Variants in SKAP1 observed in about 807,000 individuals in gnomAD.
SKAP1 encodes src kinase-associated phosphoprotein 1.
Under a neutral mutation model 58.5 loss-of-function variants are expected in SKAP1, and 44 were observed. That is an observed-to-expected ratio of 0.75 (90% CI 0.59 to 0.97). SKAP1 has a LOEUF of 0.97. Ranked by LOEUF, SKAP1 falls within the 50% of genes least tolerant of loss-of-function variation. The pLI, the probability that SKAP1 is intolerant of heterozygous loss-of-function variation, is 0.00. For synonymous variants in SKAP1, 127 were observed against 149.7 expected (o/e 0.85, Z 1.11); for missense variants, 390 against 435.2 (o/e 0.90, Z 0.92).
At chr17:48,173,002 C>A (rs778711682) in intron 9 of SKAP1, among the ~76,000 whole-genome samples, 1 of 151,924 alleles carries the variant, frequency 6.6e-6, no homozygotes, top group East Asian at 1.9e-4. Context: ...AGAGCAAGAC[C>A]CTGTCTCTAT....
At chr17:48,424,663 G>A (rs1184583951) in intron 1 of SKAP1, among the ~76,000 whole-genome samples, 1 of 151,710 alleles carries the variant, frequency 6.6e-6, no homozygotes, top group Non-Finnish European at 1.5e-5. Flanking sequence ...GGCCAGGCAC[G>A]GTGGCTCATG....
chr17:48,405,816 C>T (rs1274922558), intron 1 of SKAP1, among the ~76,000 whole-genome samples: 2 of 151,726 alleles, frequency 1.3e-5, no homozygotes, highest in African/African-American at 4.8e-5. Flanking sequence ...GCATTTTACA[C>T]TTATATCTCA....
At chr17:48,398,181 C>A (rs542838443) in intron 1 of SKAP1, among the ~76,000 whole-genome samples, 1 of 152,182 alleles carries the variant, frequency 6.6e-6, no homozygotes, top group South Asian at 2.1e-4. Flanking sequence ...AGTGAAGCTT[C>A]ATCTGTATTT....
At chr17:48,247,342 G>A (rs1422045320) in intron 4 of SKAP1, among the ~76,000 whole-genome samples, 1 of 152,154 alleles carries the variant, frequency 6.6e-6, no homozygotes, top group Non-Finnish European at 1.5e-5. Context: ...TAGAAAAAGG[G>A]ATTCAGGGAG....
intron 1 of SKAP1, 117 bp downstream of exon 1, chr17:48,429,958 T>G: frequency 1.1e-6 from 1 of 875,308 alleles, no homozygotes; most frequent in African/African-American, 1.7e-5. Context: ...CTAGAAGCCT[T>G]AAGGTTCTAG....
At chr17:48,437,497 C>T in the SKAP1 span, among the ~76,000 whole-genome samples, 1 of 152,158 alleles carries the variant, frequency 6.6e-6, no homozygotes, top group Non-Finnish European at 1.5e-5. Context: ...AATCCCAACA[C>T]TTTGGGAGGC....
At chr17:48,279,309 C>T (rs550759074) in intron 4 of SKAP1, among the ~76,000 whole-genome samples, 14 of 152,230 alleles carry the variant, frequency 9.2e-5, no homozygotes, top group Non-Finnish European at 1.6e-4. Flanking sequence ...TAAAATTCAC[C>T]GGTTCAGCTG....
chr17:48,284,711 G>C (rs564980076), intron 4 of SKAP1, among the ~76,000 whole-genome samples: 1 of 152,254 alleles, frequency 6.6e-6, no homozygotes, highest in South Asian at 2.1e-4. Flanking sequence ...ATGTCAACTA[G>C]CATATATTTT....
At chr17:48,421,863 T>C (rs2067798347) in intron 1 of SKAP1, among the ~76,000 whole-genome samples, 1 of 152,108 alleles carries the variant, frequency 6.6e-6, no homozygotes, top group Non-Finnish European at 1.5e-5. Flanking sequence ...CCATAAAGTT[T>C]CTCATCAAAA....
chr17:48,427,656 C>T lies in SKAP1; in HGVS notation c.46+2419G>A, dbSNP rs112984686. On this transcript the variant is annotated intron_variant, in intron 1 of 12. Coordinates refer to ENST00000336915, the MANE Select transcript of SKAP1 (RefSeq NM_003726.4). ...AGCACACACATTATGTCAAAAAATG[C>T]CCCTGTCATTTATGCTTGTGTAGTT... Among the ~76,000 whole-genome samples, 588 of 150,594 alleles carry T rather than the reference C, an allele frequency of 3.9e-3. 13 individuals are homozygous for T. Among genetic ancestry groups the T allele is most frequent in the African/African-American group, 0.014 (564 of 40,816 alleles).
intron 4 of SKAP1, among the ~76,000 whole-genome samples, chr17:48,237,690 T>C (rs1432828964): frequency 6.6e-6 from 1 of 152,122 alleles, no homozygotes; most frequent in Non-Finnish European, 1.5e-5. Context: ...GATGAGAACT[T>C]TGAACTAAGG....
chr17:48,373,318 G>A (rs1456217071), intron 2 of SKAP1, among the ~76,000 whole-genome samples: 2 of 152,156 alleles, frequency 1.3e-5, no homozygotes, highest in Admixed American at 6.5e-5. Context: ...TCACTATCAT[G>A]AGAGCAGCAA....
At chr17:48,429,939 T>A (rs2067896908) in intron 1 of SKAP1, 136 bp downstream of exon 1, 17 of 663,412 alleles carry the variant, frequency 2.6e-5, no homozygotes, top group Non-Finnish European at 3.7e-5. Flanking sequence ...CTCTAGGGAG[T>A]TGAGGGCTCT....
intron 4 of SKAP1, among the ~76,000 whole-genome samples, chr17:48,263,409 C>T (rs1196808905): frequency 6.6e-6 from 1 of 152,136 alleles, no homozygotes; most frequent in Non-Finnish European, 1.5e-5. Flanking sequence ...GCATTAAGAA[C>T]ATTGGGTCTC....
intron 1 of SKAP1, among the ~76,000 whole-genome samples, chr17:48,427,086 C>G (rs1042678735): frequency 6.6e-6 from 1 of 152,088 alleles, no homozygotes; most frequent in Non-Finnish European, 1.5e-5. Flanking sequence ...AAATTAATAA[C>G]CTCCCCTCCT....
At chr17:48,386,145 A>ATATG in intron 2 of SKAP1, among the ~76,000 whole-genome samples, 1 of 152,246 alleles carries the variant, frequency 6.6e-6, no homozygotes, top group African/African-American at 2.4e-5. Flanking sequence ...CTAGGAAAGA[A>ATATG]TATGTAGGGT....
At chr17:48,420,761 C>T (rs910717888) in intron 1 of SKAP1, among the ~76,000 whole-genome samples, 4 of 152,154 alleles carry the variant, frequency 2.6e-5, no homozygotes, top group African/African-American at 9.7e-5. Context: ...CATGTCTAGG[C>T]CAGGGCTTCT....
At chr17:48,201,855 GC>G (rs1403789320) in intron 4 of SKAP1, among the ~76,000 whole-genome samples, 4 of 152,332 alleles carry the variant, frequency 2.6e-5, no homozygotes, top group Non-Finnish European at 5.9e-5. Flanking sequence ...TTAGGAAATA[GC>G]TATTGATAGC....
At chr17:48,355,928 C>A (rs1267125541) in intron 3 of SKAP1, among the ~76,000 whole-genome samples, 1 of 152,070 alleles carries the variant, frequency 6.6e-6, no homozygotes, top group Non-Finnish European at 1.5e-5. Flanking sequence ...CTGTTTTATA[C>A]CATCATCAGG....
Sources: allele counts gnomAD v4.1 joint callset (sites outside exome capture counted in the v4.1 genomes callset), GRCh38; gene constraint gnomAD v4.1.1; transcripts MANE v1.5; gene names NCBI Gene and HGNC (gene_info 2026-07-23, HGNC 2026-07-21).